CACNA2D3: variants seen among roughly 807,000 people sequenced by gnomAD.
The protein encoded by CACNA2D3 is voltage-dependent calcium channel subunit alpha-2/delta-3.
CACNA2D3 carries 60 observed loss-of-function variants against 160.6 expected under a neutral mutation model. The observed-to-expected ratio is 0.37, with a 90% confidence interval of 0.30 to 0.46. The LOEUF (loss-of-function observed/expected upper bound fraction) is 0.46, where lower values mean the gene tolerates loss of function less well. CACNA2D3 is among the 20% of genes least tolerant of loss of function. The probability of loss-of-function intolerance (pLI) is 1.00; values close to 1 mark genes in which losing one functional copy is unlikely to be tolerated. For synonymous variants in CACNA2D3, 558 were observed against 492.9 expected (o/e 1.13, Z -1.75); for missense variants, 1,205 against 1,365.0 (o/e 0.88, Z 1.85).
intron 2 of CACNA2D3, among the ~76,000 whole-genome samples, chr3:54,181,427 C>A (rs1279712387): frequency 6.6e-6 from 1 of 152,160 alleles, no homozygotes; most frequent in Admixed American, 6.5e-5. Flanking sequence ...TTAGTAATAA[C>A]CCTGCATTCA....
At chr3:54,324,115 A>T (rs141163947) in intron 3 of CACNA2D3, among the ~76,000 whole-genome samples, 67 of 152,318 alleles carry the variant, frequency 4.4e-4, no homozygotes, top group Middle Eastern at 6.8e-3. Context: ...GCTGGGGGAA[A>T]AAAATGGAGT....
intron 5 of CACNA2D3, among the ~76,000 whole-genome samples, chr3:54,506,342 A>G (rs1398051657): frequency 6.6e-6 from 1 of 152,166 alleles, no homozygotes; most frequent in Non-Finnish European, 1.5e-5. Context: ...AACCAATACA[A>G]GGTCATTCTC....
At chr3:54,978,074 CAT>C (rs1702430357) in intron 29 of CACNA2D3, among the ~76,000 whole-genome samples, 1 of 152,106 alleles carries the variant, frequency 6.6e-6, no homozygotes, top group South Asian at 2.1e-4. Flanking sequence ...AGTTTACTCT[CAT>C]CACCATCTTG....
intron 2 of CACNA2D3, among the ~76,000 whole-genome samples, chr3:54,316,574 C>T (rs1474811523): frequency 1.3e-5 from 2 of 152,290 alleles, no homozygotes; most frequent in East Asian, 1.9e-4. Flanking sequence ...AGGGTGGATA[C>T]TCAGGCTAGA....
At chr3:54,655,023 G>GGGGGCCCAGCCTCAC (rs1336118820) in intron 11 of CACNA2D3, among the ~76,000 whole-genome samples, 3 of 152,228 alleles carry the variant, frequency 2.0e-5, no homozygotes, top group Non-Finnish European at 4.4e-5. Flanking sequence ...GTCCCAAGCT[G>GGGGGCCCAGCCTCAC]GGGGCCCAGC....
intron 4 of CACNA2D3, among the ~76,000 whole-genome samples, chr3:54,464,675 G>A (rs1291546127): frequency 6.6e-6 from 1 of 152,228 alleles, no homozygotes; most frequent in Non-Finnish European, 1.5e-5. Context: ...AGTGCCGTCT[G>A]TCACCCCTTT....
chr3:54,717,352 T>A (rs1396889146), intron 11 of CACNA2D3, among the ~76,000 whole-genome samples: 1 of 152,224 alleles, frequency 6.6e-6, no homozygotes, highest in African/African-American at 2.4e-5. Flanking sequence ...AGGAGTCGAA[T>A]TACCACCTCA....
rs1415732838 is a variant in CACNA2D3 at position 54,316,249 on chromosome 3, C to T, written c.205-4193C>T. Among the ~76,000 whole-genome samples, 4 of 152,138 alleles carry T rather than the reference C, an allele frequency of 2.6e-5. No homozygotes were observed. In the East Asian group the frequency reaches 7.7e-4, roughly 29 times the overall value. On this transcript the variant is annotated intron_variant, in intron 2 of 37. Coordinates refer to ENST00000474759, the MANE Select transcript of CACNA2D3 (RefSeq NM_018398.3). ...CTCACTCTATCCAGTTACTGGAGGT[C>T]AAATTGCTTGGTTTTCTACTGTAGG...
intron 4 of CACNA2D3, among the ~76,000 whole-genome samples, chr3:54,475,022 T>G (rs1445092120): frequency 6.6e-6 from 1 of 152,190 alleles, no homozygotes; most frequent in Admixed American, 6.6e-5. Flanking sequence ...CATCAAACTT[T>G]TCACCCTGAC....
At chr3:54,718,559 C>G (rs938582105) in intron 11 of CACNA2D3, among the ~76,000 whole-genome samples, 1 of 151,478 alleles carries the variant, frequency 6.6e-6, no homozygotes, top group African/African-American at 2.4e-5. Flanking sequence ...TATGTTTGTA[C>G]TCTGTTTTAA....
chr3:54,975,295 G>C (rs1702362435), intron 29 of CACNA2D3, among the ~76,000 whole-genome samples: 1 of 152,186 alleles, frequency 6.6e-6, no homozygotes, highest in Admixed American at 6.5e-5. Flanking sequence ...AAGGCAGGCA[G>C]ATCACTTGAG....
chr3:54,902,848 C>A (rs984530681), intron 27 of CACNA2D3, among the ~76,000 whole-genome samples: 2 of 152,154 alleles, frequency 1.3e-5, no homozygotes, highest in Non-Finnish European at 2.9e-5. Flanking sequence ...CAAGAAAATT[C>A]TTGGATAAGA....
chr3:54,952,396 T>C (rs1298085044), intron 27 of CACNA2D3, among the ~76,000 whole-genome samples: 4 of 152,146 alleles, frequency 2.6e-5, no homozygotes, highest in African/African-American at 9.7e-5. Flanking sequence ...GTCTGGAGGC[T>C]CTGGAAGATG....
chr3:54,262,328 AC>A (rs1347300221), intron 2 of CACNA2D3, among the ~76,000 whole-genome samples: 1 of 152,166 alleles, frequency 6.6e-6, no homozygotes, highest in African/African-American at 2.4e-5. Context: ...AAAAGAAACA[AC>A]ATTGAGGCAC....
chr3:54,247,405 C>A (rs1391866582), intron 2 of CACNA2D3, among the ~76,000 whole-genome samples: 1 of 151,730 alleles, frequency 6.6e-6, no homozygotes, highest in East Asian at 1.9e-4. Context: ...TATGAGAGAA[C>A]AATATAAATC....
At chr3:54,423,550 G>C (rs1287809169) in intron 4 of CACNA2D3, among the ~76,000 whole-genome samples, 1 of 152,258 alleles carries the variant, frequency 6.6e-6, no homozygotes, top group South Asian at 2.1e-4. Flanking sequence ...TTATGTGGAG[G>C]GCTTTGTTGA....
chr3:54,531,398 GA>G (rs1182142739), intron 5 of CACNA2D3, among the ~76,000 whole-genome samples: 2 of 152,140 alleles, frequency 1.3e-5, no homozygotes, highest in African/African-American at 4.8e-5. Context: ...GTGGCAAATT[GA>G]AAAAACCCAC....
chr3:54,968,973 C>T (rs980311325), intron 28 of CACNA2D3, among the ~76,000 whole-genome samples: 8 of 152,082 alleles, frequency 5.3e-5, no homozygotes, highest in South Asian at 2.1e-4. Flanking sequence ...GTTTTCTTTT[C>T]GCTATGCTCT....
intron 11 of CACNA2D3, among the ~76,000 whole-genome samples, chr3:54,724,262 A>G (rs1348520000): frequency 1.3e-5 from 2 of 152,210 alleles, no homozygotes; most frequent in African/African-American, 4.8e-5. Flanking sequence ...ACCCAGATTC[A>G]TAAAGCAAGT....
Sources: gnomAD v4.1 joint callset for allele counts (sites outside exome capture counted in the v4.1 genomes callset) on GRCh38, gnomAD v4.1.1 for gene constraint, MANE v1.5 for transcripts, NCBI Gene and HGNC (gene_info 2026-07-23, HGNC 2026-07-21) for gene names.